CPNE8: variants seen among roughly 807,000 people sequenced by gnomAD.
The protein encoded by CPNE8 is copine-8.
In CPNE8, 45 loss-of-function variants were observed where a neutral mutation model predicts 81.5. That is an observed-to-expected ratio of 0.55 (90% CI 0.44 to 0.71). The LOEUF is 0.71. Among genes scored for constraint, CPNE8 ranks in the 30% least tolerant of loss-of-function variants. The pLI is 0.00. For missense variants in CPNE8, 594 were observed against 672.1 expected (o/e 0.88, Z 1.28); for synonymous variants, 252 against 226.3 (o/e 1.11, Z -1.02).
chr12:38,899,986 T>A (rs947889045), intron 1 of CPNE8, among the ~76,000 whole-genome samples: 1 of 152,198 alleles, frequency 6.6e-6, no homozygotes, highest in African/African-American at 2.4e-5. Context: ...CAGATGACAG[T>A]AACATGTAGT....
At chr12:38,829,181 AT>A (rs1451145761) in intron 6 of CPNE8, among the ~76,000 whole-genome samples, 197 bp downstream of exon 6, 1 of 152,148 alleles carries the variant, frequency 6.6e-6, no homozygotes, top group Non-Finnish European at 1.5e-5. Context: ...TCTTGTGAAA[AT>A]TTTTTAGCAT....
At chr12:38,701,033 T>C (rs1172303268) in intron 14 of CPNE8, among the ~76,000 whole-genome samples, 2 of 152,228 alleles carry the variant, frequency 1.3e-5, no homozygotes, top group African/African-American at 4.8e-5. Flanking sequence ...GTAGGTTATG[T>C]TATTTGATTT....
chr12:38,827,003 A>C (rs569365055), intron 6 of CPNE8, among the ~76,000 whole-genome samples: 1 of 141,624 alleles, frequency 7.1e-6, no homozygotes, highest in Non-Finnish European at 1.5e-5. Context: ...CCCCGTCTCT[A>C]CTAAAAATAC....
intron 10 of CPNE8, among the ~76,000 whole-genome samples, chr12:38,745,404 T>C (rs1227196008): frequency 6.6e-6 from 1 of 152,232 alleles, no homozygotes; most frequent in African/African-American, 2.4e-5. Flanking sequence ...TGGAATTTTA[T>C]TGCATTCTTG....
intron 5 of CPNE8, among the ~76,000 whole-genome samples, chr12:38,836,822 C>T (rs973417854): frequency 6.6e-6 from 1 of 152,122 alleles, no homozygotes; most frequent in Non-Finnish European, 1.5e-5. Flanking sequence ...GAGCTATATG[C>T]GTCTTTACCT....
At chr12:38,813,996 C>A (rs1323405272) in intron 6 of CPNE8, among the ~76,000 whole-genome samples, 2 of 151,972 alleles carry the variant, frequency 1.3e-5, no homozygotes, top group African/African-American at 4.8e-5. Context: ...GGAGTGGAAT[C>A]ATGAAGAATG....
At position 38,867,305 on chromosome 12, in the gene CPNE8, A is replaced by AGTGTGTGT. The variant is rs35874005; in HGVS notation, c.186+5691_186+5698dup. Among the ~76,000 whole-genome samples, 355 of 133,184 alleles carry AGTGTGTGT rather than the reference A, an allele frequency of 2.7e-3. 3 individuals carry two copies. The highest frequency in any genetic ancestry group is 9.2e-3 in the African/African-American group (326 of 35,600). The allele number at this position is 133,184 out of a possible 152,430, so 87.4% of individuals were successfully genotyped here. A position where few individuals can be genotyped will look rare whatever the true frequency, so the allele number is the denominator to read the frequency against. ...GTCCTTGATGTTTGTTGAATAGTAT[A>AGTGTGTGT]GTGTGTGTGTGTGTGTGTGTGTGTG... On this transcript the variant is annotated intron_variant, in intron 3 of 19. Coordinates refer to ENST00000331366, the MANE Select transcript of CPNE8 (RefSeq NM_153634.3).
chr12:38,745,994 A>G (rs1226004065), intron 10 of CPNE8, among the ~76,000 whole-genome samples: 2 of 152,192 alleles, frequency 1.3e-5, no homozygotes. Flanking sequence ...ATATTTCAAT[A>G]AAAGCTCTCC....
At chr12:38,889,653 T>C (rs2137138909) in intron 1 of CPNE8, among the ~76,000 whole-genome samples, 1 of 152,330 alleles carries the variant, frequency 6.6e-6, no homozygotes, top group Admixed American at 6.5e-5. Flanking sequence ...AGTACAACTC[T>C]ACCAGCTCAA....
At chr12:38,872,914 C>A (rs984704094) in intron 3 of CPNE8, 90 bp downstream of exon 3, 2 of 764,208 alleles carry the variant, frequency 2.6e-6, no homozygotes, top group South Asian at 1.6e-5. Flanking sequence ...AAAGGACTTA[C>A]AATGGAAAAT....
At chr12:38,723,726 T>TCC in intron 13 of CPNE8, 46 bp downstream of exon 13, 1 of 1,225,178 alleles carries the variant, frequency 8.2e-7, no homozygotes, top group Non-Finnish European at 1.2e-6. Context: ...TTACACAAAT[T>TCC]TTAGGAAATG....
chr12:38,734,729 A>G (rs1719852), intron 10 of CPNE8, among the ~76,000 whole-genome samples: 83,938 of 151,866 alleles, frequency 0.55, 23,756 homozygotes, highest in East Asian at 0.81. Flanking sequence ...TTCTATGAAA[A>G]GTGTTTAACT....
intron 9 of CPNE8, 48 bp downstream of exon 9, chr12:38,762,063 AT>A: frequency 2.6e-5 from 26 of 992,080 alleles, no homozygotes; most frequent in Non-Finnish European, 3.6e-5. Flanking sequence ...ATCACTGTAG[AT>A]TTTTTTAAAA....
intron 11 of CPNE8, chr12:38,726,731 G>A (rs966884292): frequency 5.3e-5 from 8 of 152,120 alleles, no homozygotes; most frequent in Admixed American, 5.2e-4. Flanking sequence ...CTAGCATTAT[G>A]CCTTTGGTTT....
chr12:38,781,648 C>G (rs1942055399), intron 6 of CPNE8, among the ~76,000 whole-genome samples: 1 of 151,986 alleles, frequency 6.6e-6, no homozygotes, highest in Non-Finnish European at 1.5e-5. Context: ...GCAAAATTGA[C>G]ACAACTACAA....
chr12:38,777,467 A>C (rs1293521128), intron 6 of CPNE8, among the ~76,000 whole-genome samples: 1 of 152,096 alleles, frequency 6.6e-6, no homozygotes, highest in Non-Finnish European at 1.5e-5. Flanking sequence ...AAGAAAGAAA[A>C]ATAGTTTTAA....
At chr12:38,664,357 T>A (rs1032576677) in intron 19 of CPNE8, among the ~76,000 whole-genome samples, 1 of 152,104 alleles carries the variant, frequency 6.6e-6, no homozygotes, top group African/African-American at 2.4e-5. Flanking sequence ...ATTTGTAATA[T>A]GTATTATATA....
At chr12:38,695,463 T>C (rs1451054567) in intron 14 of CPNE8, among the ~76,000 whole-genome samples, 2 of 152,180 alleles carry the variant, frequency 1.3e-5, no homozygotes, top group Non-Finnish European at 2.9e-5. Flanking sequence ...TTTGGAGTAG[T>C]TGAGTTCAAT....
intron 1 of CPNE8, among the ~76,000 whole-genome samples, chr12:38,887,359 A>C (rs1245843557): frequency 6.6e-6 from 1 of 152,116 alleles, no homozygotes. Flanking sequence ...CAAGGAAAAA[A>C]ACTCGACTTC....
Sources: allele counts gnomAD v4.1 joint callset (sites outside exome capture counted in the v4.1 genomes callset), GRCh38; gene constraint gnomAD v4.1.1; transcripts MANE v1.5; gene names NCBI Gene and HGNC (gene_info 2026-07-23, HGNC 2026-07-21).